The following AKT3 variants were observed in gnomAD, a reference collection of about 807,000 sequenced individuals.
The protein encoded by AKT3 is RAC-gamma serine/threonine-protein kinase.
Under a neutral mutation model 65.3 loss-of-function variants are expected in AKT3, and 15 were observed. That is an observed-to-expected ratio of 0.23 (90% CI 0.15 to 0.35). The LOEUF is 0.35. Among genes scored for constraint, AKT3 ranks in the 10% least tolerant of loss-of-function variants. The probability of loss-of-function intolerance (pLI) is 1.00; values close to 1 mark genes in which losing one functional copy is unlikely to be tolerated. For missense variants in AKT3, 243 were observed against 576.5 expected (o/e 0.42, Z 5.92); for synonymous variants, 206 against 183.8 (o/e 1.12, Z -0.98).
chr1:243,715,078 A>G (rs540351426), intron 2 of AKT3, among the ~76,000 whole-genome samples: 4 of 152,248 alleles, frequency 2.6e-5, no homozygotes, highest in Admixed American at 6.5e-5. Flanking sequence ...GGGGACATGA[A>G]GAAGCAGAAT....
chr1:243,828,823 GT>G (rs2148442972), intron 2 of AKT3, among the ~76,000 whole-genome samples: 1 of 152,204 alleles, frequency 6.6e-6, no homozygotes, highest in African/African-American at 2.4e-5. Flanking sequence ...CCTAACTCTA[GT>G]CTTGTTTCAA....
intron 2 of AKT3, among the ~76,000 whole-genome samples, chr1:243,811,761 T>C (rs1204792015): frequency 1.3e-5 from 2 of 152,112 alleles, no homozygotes. Context: ...ATACTACCTG[T>C]CTTCAAATTA....
chr1:243,583,050 T>G (rs1675492051), intron 8 of AKT3, among the ~76,000 whole-genome samples: 1 of 150,558 alleles, frequency 6.6e-6, no homozygotes, highest in Admixed American at 6.6e-5. Flanking sequence ...AAGGGCTCAA[T>G]TCAACAAGAA....
intron 8 of AKT3, among the ~76,000 whole-genome samples, chr1:243,589,936 C>A (rs1049500924): frequency 3.3e-5 from 5 of 152,086 alleles, no homozygotes; most frequent in African/African-American, 9.7e-5. Flanking sequence ...GAAGTCCTAC[C>A]ATTTGTGACA....
At chr1:243,798,575 C>T (rs1692190534) in intron 2 of AKT3, among the ~76,000 whole-genome samples, 1 of 151,912 alleles carries the variant, frequency 6.6e-6, no homozygotes, top group Admixed American at 6.6e-5. Flanking sequence ...TAATTTCCTA[C>T]AGGATTTTGT....
At chr1:243,757,506 T>C (rs758752258) in intron 2 of AKT3, among the ~76,000 whole-genome samples, 2 of 151,964 alleles carry the variant, frequency 1.3e-5, no homozygotes, top group Non-Finnish European at 2.9e-5. Context: ...TAATCCCTGC[T>C]ACTCAGGAGG....
intron 6 of AKT3, among the ~76,000 whole-genome samples, chr1:243,623,422 T>G (rs1416977612): frequency 1.3e-5 from 2 of 152,190 alleles, no homozygotes; most frequent in Non-Finnish European, 2.9e-5. Flanking sequence ...AATAGCTGTT[T>G]CTGTGTTTCC....
chr1:243,529,600 C>G (rs1282027061), intron 12 of AKT3, among the ~76,000 whole-genome samples: 2 of 152,070 alleles, frequency 1.3e-5, no homozygotes, highest in African/African-American at 2.4e-5. Context: ...GATCAGATGT[C>G]TGTAACTGTG....
At chr1:243,679,292 G>C (rs1012521035) in intron 3 of AKT3, among the ~76,000 whole-genome samples, 1 of 152,142 alleles carries the variant, frequency 6.6e-6, no homozygotes, top group African/African-American at 2.4e-5. Context: ...GACTACACAA[G>C]GGTTGAAGCC....
intron 2 of AKT3, among the ~76,000 whole-genome samples, chr1:243,707,608 G>GT (rs1209860683): frequency 5.3e-5 from 8 of 151,834 alleles, no homozygotes; most frequent in Non-Finnish European, 1.2e-4. Context: ...ATTATTCTGG[G>GT]TTTTTTTAAT....
intron 2 of AKT3, among the ~76,000 whole-genome samples, chr1:243,713,385 G>T (rs973582829): frequency 6.6e-6 from 1 of 152,116 alleles, no homozygotes; most frequent in East Asian, 1.9e-4. Context: ...AGGGAGGGGG[G>T]ATGCAGGAAA....
chr1:243,638,740 A>G (rs1680156378), intron 5 of AKT3, among the ~76,000 whole-genome samples: 2 of 152,090 alleles, frequency 1.3e-5, no homozygotes, highest in Admixed American at 6.6e-5. Flanking sequence ...AGTGCCTTTT[A>G]TAACTTTTTT....
chr1:243,697,752 G>A (rs1685149434), intron 2 of AKT3, among the ~76,000 whole-genome samples: 1 of 152,004 alleles, frequency 6.6e-6, no homozygotes, highest in African/African-American at 2.4e-5. Flanking sequence ...CATAACGAGA[G>A]ATCTGTTTTC....
At chr1:243,841,680 T>C (rs890249041) in intron 2 of AKT3, among the ~76,000 whole-genome samples, 7 of 152,118 alleles carry the variant, frequency 4.6e-5, no homozygotes, top group Non-Finnish European at 1.0e-4. Context: ...CCTAAGTTAT[T>C]ACCCAAGACA....
intron 2 of AKT3, among the ~76,000 whole-genome samples, chr1:243,741,061 T>C (rs1450579506): frequency 1.3e-5 from 2 of 152,174 alleles, no homozygotes; most frequent in African/African-American, 4.8e-5. Context: ...ATCTGGGAAA[T>C]TTATATCATT....
Position 243,700,793 on chromosome 1 carries a change from C to T in AKT3, c.47-5077G>A, listed in dbSNP as rs548094001. On this transcript the variant is annotated intron_variant, in intron 2 of 13. Coordinates refer to ENST00000673466, the MANE Select transcript of AKT3 (RefSeq NM_005465.7). Reference sequence around the variant, plus strand: ...GTGGGATTACAGGCGTGAGCCACTGCGCCCGGCCAGGCTTAGTCTTTAATA... The same window carrying T: ...GTGGGATTACAGGCGTGAGCCACTGTGCCCGGCCAGGCTTAGTCTTTAATA... 1.3e-4 allele frequency among the ~76,000 whole-genome samples: 20 copies of T among 152,258 alleles called. No homozygotes were observed. The Middle Eastern group carries it at 0.01, about 78-fold the overall frequency.
chr1:243,497,798 C>A (rs1400833454), downstream of AKT3, among the ~76,000 whole-genome samples: 1 of 152,170 alleles, frequency 6.6e-6, no homozygotes, highest in Admixed American at 6.5e-5. Flanking sequence ...CCTACATCAG[C>A]CTTTTGAGTC....
intron 2 of AKT3, among the ~76,000 whole-genome samples, chr1:243,711,800 C>G (rs143367746): frequency 1.3e-5 from 2 of 152,276 alleles, no homozygotes; most frequent in African/African-American, 4.8e-5. Flanking sequence ...TAAATTCACT[C>G]ATCTAAGTTA....
intron 4 of AKT3, among the ~76,000 whole-genome samples, chr1:243,650,670 C>T (rs1205812742): frequency 3.3e-5 from 5 of 152,116 alleles, no homozygotes; most frequent in African/African-American, 1.2e-4. Context: ...GGGATCCTTT[C>T]CCCATTGCTT....
Sources: allele counts gnomAD v4.1 joint callset (sites outside exome capture counted in the v4.1 genomes callset), GRCh38; gene constraint gnomAD v4.1.1; transcripts MANE v1.5; gene names NCBI Gene and HGNC (gene_info 2026-07-23, HGNC 2026-07-21).